Variants in WWOX observed in about 807,000 individuals in gnomAD.
The protein encoded by WWOX is WW domain containing oxidoreductase.
A neutral mutation model predicts 46.2 loss-of-function variants in WWOX; 69 were observed. The ratio of observed to expected loss-of-function variants is 1.49; its 90% CI spans 1.23 to 1.82. The LOEUF is 1.82. WWOX is among the 40% of genes most tolerant of loss of function. The pLI, the probability that WWOX is intolerant of heterozygous loss-of-function variation, is 0.00. For missense variants in WWOX, 919 were observed against 542.6 expected, an observed-to-expected ratio of 1.69 and a Z score of -6.89; for synonymous variants, 359 against 202.6, an observed-to-expected ratio of 1.77 and a Z score of -6.56.
At chr16:78,951,543 G>A (rs996248309) in intron 8 of WWOX, among the ~76,000 whole-genome samples, 3 of 152,186 alleles carry the variant, frequency 2.0e-5, no homozygotes, top group African/African-American at 7.2e-5. Flanking sequence ...TGCTGGAAAA[G>A]GGGACATGGG....
At chr16:78,871,240 A>G (rs2044122110) in intron 8 of WWOX, among the ~76,000 whole-genome samples, 1 of 151,744 alleles carries the variant, frequency 6.6e-6, no homozygotes, top group Non-Finnish European at 1.5e-5. Flanking sequence ...AGACAGAAAG[A>G]GGGGGGATTT....
chr16:78,974,874 CG>C (rs1567452075), intron 8 of WWOX, among the ~76,000 whole-genome samples: 1 of 152,132 alleles, frequency 6.6e-6, no homozygotes, highest in East Asian at 1.9e-4. Context: ...ACTGGAGGCC[CG>C]GGGAGACCTT....
At chr16:78,624,127 A>G (rs2151648437) in intron 8 of WWOX, among the ~76,000 whole-genome samples, 1 of 152,312 alleles carries the variant, frequency 6.6e-6, no homozygotes, top group South Asian at 2.1e-4. Flanking sequence ...TGTTTGCACA[A>G]CAACTCAAGG....
intron 8 of WWOX, among the ~76,000 whole-genome samples, chr16:78,889,035 C>T (rs1046976014): frequency 2.6e-5 from 4 of 152,022 alleles, no homozygotes; most frequent in Non-Finnish European, 5.9e-5. Flanking sequence ...TTATCCCATC[C>T]CGGCTGACTT....
At chr16:79,037,257 A>C (rs901480864) in intron 8 of WWOX, among the ~76,000 whole-genome samples, 1 of 151,870 alleles carries the variant, frequency 6.6e-6, no homozygotes, top group Non-Finnish European at 1.5e-5. Flanking sequence ...CCTGCTCCTG[A>C]CTCTGGGGGA....
chr16:78,527,239 A>C (rs1212063524), intron 8 of WWOX, among the ~76,000 whole-genome samples: 1 of 152,136 alleles, frequency 6.6e-6, no homozygotes, highest in Non-Finnish European at 1.5e-5. Flanking sequence ...CAATTCTTCT[A>C]AGCTGGTAGC....
intron 8 of WWOX, among the ~76,000 whole-genome samples, chr16:79,096,638 C>T (rs930186675): frequency 6.6e-6 from 1 of 152,204 alleles, no homozygotes; most frequent in African/African-American, 2.4e-5. Context: ...TTATTTTTCT[C>T]CATATTATCA....
intron 8 of WWOX, among the ~76,000 whole-genome samples, chr16:78,473,366 C>G (rs2738682): frequency 0.32 from 48,881 of 152,018 alleles, 9,922 homozygotes; most frequent in African/African-American, 0.58. Context: ...CTGACCTCAA[C>G]TGATAGACCC....
rs78703447 is a variant in WWOX at position 78,376,451 on chromosome 16, C to T, written c.517-10409C>T. On this transcript the variant is annotated intron_variant, in intron 5 of 8. Coordinates refer to ENST00000566780, the MANE Select transcript of WWOX (RefSeq NM_016373.4). ...CTTGGGGCAGTAGGACTTTGGGGCA[C>T]GTTTTCACTTTATATGTTATCAACT... 9.7e-4 allele frequency among the ~76,000 whole-genome samples: 147 copies of T among 152,206 alleles called. 1 individual carries two copies. The highest frequency in any genetic ancestry group is 5.0e-3 in the East Asian group (26 of 5,174).
intron 5 of WWOX, among the ~76,000 whole-genome samples, chr16:78,266,511 C>A (rs2079365816): frequency 6.6e-6 from 1 of 152,158 alleles, no homozygotes; most frequent in Non-Finnish European, 1.5e-5. Flanking sequence ...CTTATTTGTC[C>A]CTTCCCTCTG....
In WWOX at chr16:78,389,425, T is replaced by C. The variant is rs114089287; in HGVS notation, c.605+2477T>C. On this transcript the variant is annotated intron_variant, in intron 6 of 8. Transcript: ENST00000566780. ...CTGTCACCTCAGTTGTCAGCTATTATGGATGGCTGACTCCTCAAACTCATC... is the reference window on the plus strand; with the variant it reads ...CTGTCACCTCAGTTGTCAGCTATTACGGATGGCTGACTCCTCAAACTCATC... Among the ~76,000 whole-genome samples, 1,312 of 152,280 alleles carry C rather than the reference T, an allele frequency of 8.6e-3. 22 individuals are homozygous for C. The highest frequency in any genetic ancestry group is 0.03 in the African/African-American group (1,244 of 41,550).
intron 7 of WWOX, among the ~76,000 whole-genome samples, chr16:78,430,398 A>G (rs1195884734): frequency 6.6e-5 from 10 of 152,126 alleles, no homozygotes; most frequent in Admixed American, 6.5e-4. Flanking sequence ...TATTCATTCT[A>G]CATGTAAATA....
At chr16:78,299,580 G>A (rs926247353) in intron 5 of WWOX, among the ~76,000 whole-genome samples, 3 of 150,336 alleles carry the variant, frequency 2.0e-5, no homozygotes, top group Admixed American at 6.6e-5. Flanking sequence ...GTGCAGTGGC[G>A]AGATTGGCAA....
chr16:79,176,240 A>G (rs1243406257), intron 8 of WWOX, among the ~76,000 whole-genome samples: 1 of 152,188 alleles, frequency 6.6e-6, no homozygotes, highest in Non-Finnish European at 1.5e-5. Context: ...GTCCTGGCCA[A>G]TGGCAGCTAC....
chr16:78,740,947 T>C (rs2049209033), intron 8 of WWOX, among the ~76,000 whole-genome samples: 1 of 152,168 alleles, frequency 6.6e-6, no homozygotes, highest in African/African-American at 2.4e-5. Context: ...CTATGTCACA[T>C]TGTTGGAGAA....
At chr16:79,132,127 AACACACACACACACACACACAC>A (rs141785224) in intron 8 of WWOX, among the ~76,000 whole-genome samples, 57 of 141,486 alleles carry the variant, frequency 4.0e-4, no homozygotes, top group Middle Eastern at 6.6e-3. Flanking sequence ...CACTTGCAGA[AACACACACACACACACACACAC>A]ACACACACAC....
At chr16:78,977,327 TC>T (rs1221319400) in intron 8 of WWOX, among the ~76,000 whole-genome samples, 1 of 152,174 alleles carries the variant, frequency 6.6e-6, no homozygotes, top group Non-Finnish European at 1.5e-5. Context: ...TCCTTTTGGA[TC>T]CTCCAGAGGC....
intron 8 of WWOX, chr16:78,825,775 C>A (rs899335106): frequency 1.7e-6 from 1 of 594,190 alleles, no homozygotes; most frequent in Non-Finnish European, 3.1e-6. Flanking sequence ...TTAACTAGTA[C>A]ATTGATGCTG....
intron 8 of WWOX, among the ~76,000 whole-genome samples, chr16:79,110,455 G>C (rs1231421617): frequency 6.6e-6 from 1 of 152,160 alleles, no homozygotes; most frequent in East Asian, 1.9e-4. Context: ...GTGTAGCTCA[G>C]ATAACAGCTG....
Sources: gnomAD v4.1 joint callset for allele counts (sites outside exome capture counted in the v4.1 genomes callset) on GRCh38, gnomAD v4.1.1 for gene constraint, MANE v1.5 for transcripts, NCBI Gene and HGNC (gene_info 2026-07-23, HGNC 2026-07-21) for gene names.